Variants in CNTN5 observed in about 807,000 individuals in gnomAD.
CNTN5 encodes the protein contactin 5.
A neutral mutation model predicts 129.1 loss-of-function variants in CNTN5; 77 were observed. The ratio of observed to expected loss-of-function variants is 0.60; its 90% CI spans 0.50 to 0.72. CNTN5 has a LOEUF of 0.72. Among genes scored for constraint, CNTN5 ranks in the 30% least tolerant of loss-of-function variants. The probability of loss-of-function intolerance (pLI) is 0.00; values close to 1 mark genes in which losing one functional copy is unlikely to be tolerated. For missense variants in CNTN5, 1,478 were observed against 1,328.8 expected (o/e 1.11, Z -1.75); for synonymous variants, 509 against 465.6 (o/e 1.09, Z -1.20).
intron 18 of CNTN5, among the ~76,000 whole-genome samples, chr11:100,285,780 G>C (rs531609421): frequency 5.1e-4 from 77 of 152,262 alleles, no homozygotes; most frequent in African/African-American, 1.8e-3. Flanking sequence ...GAACAGCTCC[G>C]GTCTACAGCT....
chr11:99,463,107 C>CG (rs1565203136), intron 2 of CNTN5, among the ~76,000 whole-genome samples: 15 of 21,582 alleles, frequency 7.0e-4, no homozygotes, highest in Non-Finnish European at 1.5e-3. Flanking sequence ...GACTCCATCT[C>CG]AAAATAAATA....
chr11:100,118,158 T>C (rs1190885265), intron 13 of CNTN5, among the ~76,000 whole-genome samples: 1 of 151,854 alleles, frequency 6.6e-6, no homozygotes, highest in Non-Finnish European at 1.5e-5. Context: ...TTTAAGTAAA[T>C]TTGTATCACT....
At chr11:99,218,697 C>T (rs1036322497) in intron 1 of CNTN5, among the ~76,000 whole-genome samples, 1 of 152,100 alleles carries the variant, frequency 6.6e-6, no homozygotes, top group Non-Finnish European at 1.5e-5. Context: ...TTCTGTAGTA[C>T]TAGAACCCTG....
At chr11:99,899,591 A>G (rs1463633991) in intron 6 of CNTN5, among the ~76,000 whole-genome samples, 1 of 151,908 alleles carries the variant, frequency 6.6e-6, no homozygotes, top group Non-Finnish European at 1.5e-5. Context: ...GATCATGGCA[A>G]ATTATCTTTA....
At chr11:99,140,411 T>G (rs541426089) in intron 1 of CNTN5, among the ~76,000 whole-genome samples, 89 of 152,236 alleles carry the variant, frequency 5.8e-4, no homozygotes, top group African/African-American at 2.1e-3. Context: ...CAGAATCATA[T>G]CATCTGGGAA....
chr11:99,259,693 G>A (rs1365008606), intron 1 of CNTN5, among the ~76,000 whole-genome samples: 4 of 151,672 alleles, frequency 2.6e-5, no homozygotes, highest in Non-Finnish European at 5.9e-5. Context: ...TTATGTGCCT[G>A]TGGAAATTGA....
intron 18 of CNTN5, among the ~76,000 whole-genome samples, chr11:100,292,604 T>C (rs936862313): frequency 2.0e-5 from 3 of 152,020 alleles, no homozygotes; most frequent in Non-Finnish European, 4.4e-5. Context: ...CTTGCTCCTG[T>C]CCTTATTTAC....
chr11:99,374,453 G>C (rs569184049), intron 2 of CNTN5, among the ~76,000 whole-genome samples: 3 of 152,120 alleles, frequency 2.0e-5, no homozygotes, highest in Admixed American at 2.0e-4. Context: ...GGAGGCCAAG[G>C]CCGGCGGATC....
At chr11:100,115,773 G>A (rs1205971301) in intron 13 of CNTN5, among the ~76,000 whole-genome samples, 1 of 151,910 alleles carries the variant, frequency 6.6e-6, no homozygotes, top group Non-Finnish European at 1.5e-5. Context: ...ATGCCTGATT[G>A]GAAATAATTA....
chr11:99,938,304 G>A (rs527688753), intron 7 of CNTN5, among the ~76,000 whole-genome samples: 6 of 152,066 alleles, frequency 3.9e-5, no homozygotes, highest in South Asian at 2.1e-4. Context: ...TCAATCCTTC[G>A]TTTCAATAGA....
intron 3 of CNTN5, among the ~76,000 whole-genome samples, chr11:99,728,241 T>C (rs1386482080): frequency 2.0e-5 from 3 of 152,100 alleles, no homozygotes; most frequent in Non-Finnish European, 4.4e-5. Context: ...GGCATAGATA[T>C]TGAGCAGGAA....
chr11:99,749,527 T>G lies in CNTN5; in HGVS notation c.56-70017T>G, dbSNP rs911844176. Among the ~76,000 whole-genome samples, 45 of 152,324 alleles carry G rather than the reference T, an allele frequency of 3.0e-4. 1 individual carries two copies. Among genetic ancestry groups the G allele is most frequent in the African/African-American group, 9.6e-4 (40 of 41,586 alleles). Reference sequence around the variant, plus strand: ...GATATTCTTTTTAAATACTTTAAATTAAAAAGAGCACCTGACACCTCAGTG... The same window carrying G: ...GATATTCTTTTTAAATACTTTAAATGAAAAAGAGCACCTGACACCTCAGTG... On this transcript the variant is annotated intron_variant, in intron 3 of 24. Transcript: ENST00000524871.
chr11:99,888,513 G>A (rs1455651852), intron 6 of CNTN5, among the ~76,000 whole-genome samples: 1 of 152,130 alleles, frequency 6.6e-6, no homozygotes, highest in African/African-American at 2.4e-5. Context: ...TAAGCCTATG[G>A]TACTAGTGAC....
At position 100,310,469 on chromosome 11, in the gene CNTN5, T is replaced by C. The variant is rs1480018446; in HGVS notation, c.2730+2001T>C. Among the ~76,000 whole-genome samples the C allele has an allele frequency of 2.0e-5, 3 of 151,968 alleles. No homozygotes were observed. The South Asian group carries it at 6.2e-4, about 31-fold the overall frequency. On this transcript the variant is annotated intron_variant, in intron 21 of 24. Transcript: ENST00000524871. ...CTTCCTAAATATAAATCATTCATTC[T>C]TTAATTCAATAAATATTTATGTAGA...
At chr11:99,624,219 C>T (rs958130975) in intron 3 of CNTN5, among the ~76,000 whole-genome samples, 1 of 151,684 alleles carries the variant, frequency 6.6e-6, no homozygotes, top group Non-Finnish European at 1.5e-5. Flanking sequence ...TCTGTGTATG[C>T]ATTGCCTAGA....
Position 100,110,756 on chromosome 11 carries a change from C to G in CNTN5, c.1580+36462C>G, listed in dbSNP as rs1036436836. 7.2e-5 allele frequency among the ~76,000 whole-genome samples: 11 copies of G among 152,194 alleles called. No homozygotes were observed. In the East Asian group the frequency reaches 2.1e-3, roughly 29 times the overall value. ...ATTCCACCAATTGCATCTTTAGAAT[C>G]AGAGATTGATAGAAGCCACAGAGTC... On this transcript the variant is annotated intron_variant, in intron 13 of 24. Coordinates refer to ENST00000524871, the MANE Select transcript of CNTN5 (RefSeq NM_014361.4).
chr11:99,997,886 C>T (rs1346021908), intron 8 of CNTN5, among the ~76,000 whole-genome samples: 1 of 152,124 alleles, frequency 6.6e-6, no homozygotes, highest in Non-Finnish European at 1.5e-5. Context: ...AGCATATAAA[C>T]AGAACCAAAG....
At chr11:99,770,186 G>A (rs960636785) in intron 3 of CNTN5, among the ~76,000 whole-genome samples, 3 of 151,914 alleles carry the variant, frequency 2.0e-5, no homozygotes, top group African/African-American at 7.2e-5. Context: ...AGTTTAATTT[G>A]CTTATATTAG....
At chr11:99,068,548 C>T (rs933265965) in intron 1 of CNTN5, among the ~76,000 whole-genome samples, 6 of 152,206 alleles carry the variant, frequency 3.9e-5, no homozygotes, top group East Asian at 1.9e-4. Flanking sequence ...AAAGGATGCC[C>T]GTGAGAAGCA....
Sources: allele counts gnomAD v4.1 joint callset (sites outside exome capture counted in the v4.1 genomes callset), GRCh38; gene constraint gnomAD v4.1.1; transcripts MANE v1.5; gene names NCBI Gene and HGNC (gene_info 2026-07-23, HGNC 2026-07-21).